The following SYNPR variants were observed in gnomAD, a reference collection of about 807,000 sequenced individuals.
SYNPR encodes synaptoporin.
SYNPR carries 23 observed loss-of-function variants against 32.9 expected under a neutral mutation model. That is an observed-to-expected ratio of 0.70 (90% CI 0.50 to 0.99). The LOEUF is 0.99. Ranked by LOEUF, SYNPR falls within the 50% of genes least tolerant of loss-of-function variation. The pLI is 0.00. For missense variants in SYNPR, 318 were observed against 349.3 expected (o/e 0.91, Z 0.71); for synonymous variants, 146 against 135.9 (o/e 1.07, Z -0.52).
Position 63,616,785 on chromosome 3 carries a change from C to A in SYNPR, c.*1304C>A, listed in dbSNP as rs780283713. On this transcript the variant is annotated 3_prime_UTR_variant, in exon 6 of 6. Transcript: ENST00000478300. The stretch of plus-strand genomic sequence containing the variant: ...TTGTTATTGATGTATAAACTCGTTG[C>A]GTGATTAGTGATGTTGGAAGCATTT... 6.6e-6 allele frequency: 1 copy of A among 152,516 alleles called. No homozygotes were observed. Among genetic ancestry groups the A allele is most frequent in the Non-Finnish European group, 1.5e-5 (1 of 68,044 alleles). The allele number at this position is 152,516 out of a possible 1,614,324, so 9.4% of individuals were successfully genotyped here.
At chr3:63,486,544 G>C (rs2106707311) in intron 3 of SYNPR, among the ~76,000 whole-genome samples, 1 of 152,268 alleles carries the variant, frequency 6.6e-6, no homozygotes, top group African/African-American at 2.4e-5. Context: ...CCTCTAAGGA[G>C]TTGCACTCAA....
At chr3:63,609,949 T>C (rs530317818) in intron 5 of SYNPR, among the ~76,000 whole-genome samples, 9 of 151,936 alleles carry the variant, frequency 5.9e-5, no homozygotes, top group Non-Finnish European at 1.0e-4. Context: ...AAGGTTGAAG[T>C]CAGACAAAAG....
At chr3:63,592,699 AAAAT>A (rs573887996) in intron 4 of SYNPR, among the ~76,000 whole-genome samples, 2 of 152,090 alleles carry the variant, frequency 1.3e-5, no homozygotes, top group South Asian at 2.1e-4. Context: ...CACAAATTAA[AAAAT>A]AAATAAATAA....
chr3:63,611,375 C>T (rs35714656), intron 5 of SYNPR, among the ~76,000 whole-genome samples: 10,793 of 152,240 alleles, frequency 0.071, 495 homozygotes, highest in Middle Eastern at 0.11. Flanking sequence ...CGAAACTTGG[C>T]TCTGCAAAGA....
intron 2 of SYNPR, among the ~76,000 whole-genome samples, chr3:63,401,619 G>A (rs924636837): frequency 2.0e-5 from 3 of 152,126 alleles, no homozygotes; most frequent in African/African-American, 7.2e-5. Flanking sequence ...TTTTAGAGTC[G>A]TGTGTCTAGC....
At chr3:63,275,247 G>T (rs2086564118), upstream of SYNPR, among the ~76,000 whole-genome samples, 1 of 152,126 alleles carries the variant, frequency 6.6e-6, no homozygotes, top group East Asian at 1.9e-4. Flanking sequence ...AGTTCTTTAG[G>T]GAACCCAATG....
At chr3:63,509,483 T>C (rs1701655058) in intron 3 of SYNPR, among the ~76,000 whole-genome samples, 1 of 152,016 alleles carries the variant, frequency 6.6e-6, no homozygotes, top group Non-Finnish European at 1.5e-5. Context: ...TTGTTCTTTT[T>C]ACCAGTTTCT....
chr3:63,341,352 C>G lies in SYNPR; in HGVS notation c.84+62610C>G, dbSNP rs190559118. On this transcript the variant is annotated intron_variant, in intron 2 of 5. Coordinates refer to ENST00000478300, the MANE Select transcript of SYNPR (RefSeq NM_001130003.2). ...TTTTCTGTGTGGACATAGTTTTCAA[C>G]TCATTTAGGTAAACACATAGGGGTA... Among the ~76,000 whole-genome samples, 194 of 152,192 alleles carry G rather than the reference C, an allele frequency of 1.3e-3. 2 individuals carry two copies. In the Middle Eastern group the frequency reaches 0.024, roughly 19 times the overall value.
chr3:63,447,326 A>G (rs1252853346), intron 2 of SYNPR, among the ~76,000 whole-genome samples: 8 of 152,280 alleles, frequency 5.3e-5, no homozygotes, highest in East Asian at 1.9e-4. Flanking sequence ...TTCCAAATCA[A>G]TAGTACTGAG....
chr3:63,455,787 G>GTGTGTGTGTGTGTGT (rs1559504354), intron 2 of SYNPR, among the ~76,000 whole-genome samples: 14 of 151,212 alleles, frequency 9.3e-5, no homozygotes, highest in African/African-American at 1.5e-4. Flanking sequence ...GTGTGTGTGT[G>GTGTGTGTGTGTGTGT]GATCTTCAGA....
intron 4 of SYNPR, among the ~76,000 whole-genome samples, chr3:63,578,103 T>C (rs768558685): frequency 2.6e-5 from 4 of 152,140 alleles, no homozygotes; most frequent in African/African-American, 2.4e-5. Context: ...TTTATTCCCA[T>C]TGCAAGTAAG....
intron 3 of SYNPR, among the ~76,000 whole-genome samples, chr3:63,486,275 C>T (rs1701148593): frequency 6.6e-6 from 1 of 152,164 alleles, no homozygotes; most frequent in African/African-American, 2.4e-5. Context: ...ATAGGCAGAG[C>T]AGGCAAGAAA....
chr3:63,339,517 C>T (rs564917066), intron 2 of SYNPR, among the ~76,000 whole-genome samples: 1 of 152,224 alleles, frequency 6.6e-6, no homozygotes, highest in Non-Finnish European at 1.5e-5. Context: ...ATCCACCTAT[C>T]TTTTTCAGAT....
chr3:63,455,540 G>A (rs1700466042), intron 2 of SYNPR, among the ~76,000 whole-genome samples: 1 of 152,052 alleles, frequency 6.6e-6, no homozygotes, highest in Admixed American at 6.6e-5. Flanking sequence ...AACACCCTAG[G>A]ATGTTCGGCC....
chr3:63,365,285 T>C (rs1426644289), intron 2 of SYNPR, among the ~76,000 whole-genome samples: 3 of 152,180 alleles, frequency 2.0e-5, no homozygotes, highest in Non-Finnish European at 2.9e-5. Flanking sequence ...AAAAATATAG[T>C]TTCAAACTTG....
intron 1 of SYNPR, among the ~76,000 whole-genome samples, chr3:63,236,605 C>T (rs907788000): frequency 6.6e-6 from 1 of 151,942 alleles, no homozygotes; most frequent in Non-Finnish European, 1.5e-5. Context: ...AAGTATACAC[C>T]TAAGTATTTC....
At chr3:63,417,283 C>T (rs781615894) in intron 2 of SYNPR, among the ~76,000 whole-genome samples, 6 of 152,242 alleles carry the variant, frequency 3.9e-5, no homozygotes, top group Non-Finnish European at 7.3e-5. Flanking sequence ...CCTTTGACTC[C>T]ATGTCTCACA....
rs143113614 is a variant in SYNPR at position 63,256,682 on chromosome 3, G to T, written n.154+4096G>T. ...AGCACCTCTCCTTCTCCAAAGGAAC[G>T]CAGCTCCTCACCAGCAACAGAACAA... On this transcript the variant is annotated intron_variant and non_coding_transcript_variant, in intron 2 of 4. Coordinates refer to the SYNPR transcript ENST00000478456. 6.1e-3 allele frequency among the ~76,000 whole-genome samples: 922 copies of T among 152,290 alleles called. 7 individuals are homozygous for T. The highest frequency in any genetic ancestry group is 0.01 in the Non-Finnish European group (686 of 68,026).
chr3:63,451,681 C>T (rs1700382476), intron 2 of SYNPR, among the ~76,000 whole-genome samples: 1 of 152,102 alleles, frequency 6.6e-6, no homozygotes, highest in African/African-American at 2.4e-5. Context: ...TCCACATGAT[C>T]CTGGAAGCTC....
Sources: gnomAD v4.1 joint callset for allele counts (sites outside exome capture counted in the v4.1 genomes callset) on GRCh38, gnomAD v4.1.1 for gene constraint, MANE v1.5 for transcripts, NCBI Gene and HGNC (gene_info 2026-07-23, HGNC 2026-07-21) for gene names.